The following ASPH variants were observed in gnomAD, a reference collection of about 807,000 sequenced individuals.
ASPH encodes the protein aspartyl/asparaginyl beta-hydroxylase.
Under a neutral mutation model 118.4 loss-of-function variants are expected in ASPH, and 100 were observed. The observed-to-expected ratio is 0.84, with a 90% CI of 0.72 to 1.00. The LOEUF (loss-of-function observed/expected upper bound fraction) is 1.00. ASPH is among the 50% of genes least tolerant of loss of function. ASPH has a pLI of 0.00. For missense variants in ASPH, 920 were observed against 919.5 expected, an observed-to-expected ratio of 1.00 and a Z score of -0.01; for synonymous variants, 315 against 325.6, an observed-to-expected ratio of 0.97 and a Z score of 0.35.
rs116132291 is a variant in ASPH, at chr8:61,619,055, C to T, written c.935-36G>A. 1,948 of 1,432,682 alleles carry T rather than the reference C, an allele frequency of 1.4e-3. 23 individuals are homozygous for T. In the African/African-American group the frequency reaches 0.023, roughly 17 times the overall value. The allele number at this position is 1,432,682 out of a possible 1,614,324, so 88.7% of individuals were successfully genotyped here. A position where few individuals can be genotyped will look rare whatever the true frequency, so the allele number is the denominator to read the frequency against. ...AAGACAAAACATAGTAAGTACTATG[C>T]AAGTCACCATTCAGTATCTCAAAAT... On this transcript the variant is annotated intron_variant, in intron 13 of 24. Coordinates refer to ENST00000379454, the MANE Select transcript of ASPH (RefSeq NM_004318.4).
chr8:61,651,073 T>C lies in ASPH; in HGVS notation c.467A>G (p.His156Arg), dbSNP rs1435902631. Reference sequence around the variant, plus strand: ...ACCATGTTCTGCGTGTACCATTTCATGGAGAAGGGACTGAATTTGTTCTTT... The same window carrying C: ...ACCATGTTCTGCGTGTACCATTTCACGGAGAAGGGACTGAATTTGTTCTTT... ...EAKEQIQSLL[H>R]EMVHAEHVEG... Residue 156 changes from histidine (H) to arginine (R), a missense_variant, in exon 5 of 25, where the codon CAT becomes CGT. Transcript: ENST00000379454. 2.5e-6 allele frequency: 4 copies of C among 1,613,650 alleles called. No homozygotes were observed. The highest frequency in any genetic ancestry group is 1.7e-5 in the Admixed American group (1 of 59,982).
At chr8:61,594,062 G>GA (rs1222591059) in intron 14 of ASPH, among the ~76,000 whole-genome samples, 1 of 152,158 alleles carries the variant, frequency 6.6e-6, no homozygotes, top group Non-Finnish European at 1.5e-5. Context: ...AAATAAACCT[G>GA]AAATAAACCC....
intron 1 of ASPH, among the ~76,000 whole-genome samples, chr8:61,704,808 A>G (rs1350596743): frequency 6.6e-6 from 1 of 152,210 alleles, no homozygotes; most frequent in African/African-American, 2.4e-5. Flanking sequence ...CTAAAATTAA[A>G]AAGACTGACA....
At chr8:61,638,290 G>GCTTA in intron 11 of ASPH, 32 bp downstream of exon 11, 1 of 1,594,356 alleles carries the variant, frequency 6.3e-7, no homozygotes. Context: ...AAGCTGACTT[G>GCTTA]CAGAAAATAT....
intron 24 of ASPH, among the ~76,000 whole-genome samples, chr8:61,514,416 T>A (rs992507345): frequency 2.0e-5 from 3 of 152,006 alleles, no homozygotes; most frequent in Non-Finnish European, 4.4e-5. Flanking sequence ...GGCAATTTTT[T>A]AAAAGTTGTT....
intron 21 of ASPH, among the ~76,000 whole-genome samples, chr8:61,527,147 T>C (rs1815685757): frequency 6.6e-6 from 1 of 152,180 alleles, no homozygotes; most frequent in African/African-American, 2.4e-5. Context: ...GGACTAGAAC[T>C]AATAGGTTAC....
At chr8:61,679,942 T>TAATAA (rs1563553724) in intron 3 of ASPH, among the ~76,000 whole-genome samples, 7 of 67,678 alleles carry the variant, frequency 1.0e-4, no homozygotes, top group South Asian at 4.3e-4. Flanking sequence ...TGGGCAATAA[T>TAATAA]AAAAAAAAAA....
chr8:61,562,643 T>C lies in ASPH; in HGVS notation c.1437+101A>G, dbSNP rs1587181829. Reference sequence around the variant, plus strand: ...AACTATAATAATACTTACATGCTTTTTAACTTAATTTAAAATAAAGAGAGA... The same window carrying C: ...AACTATAATAATACTTACATGCTTTCTAACTTAATTTAAAATAAAGAGAGA... On this transcript the variant is annotated intron_variant, in intron 18 of 24. Transcript: ENST00000379454. The C allele has an allele frequency of 1.6e-5, 19 of 1,204,930 alleles. No individual in the cohort carries two copies. In the East Asian group the frequency reaches 2.9e-4, roughly 18 times the overall value. 74.6% of individuals were successfully genotyped at this position (1,204,930 alleles called of 1,614,324 possible).
Position 61,501,745 on chromosome 8 carries a change from C to CAAAAG in ASPH, c.*1609_*1613dup, listed in dbSNP as rs1804976326. ...TGGGATGTTTTCAATACCAGCAAAA[C>CAAAAG]AAAAGAACAGGAAAAGTATTTTGCA... On this transcript the variant is annotated 3_prime_UTR_variant, in exon 25 of 25. Coordinates refer to ENST00000379454, the MANE Select transcript of ASPH (RefSeq NM_004318.4). The CAAAAG allele has an allele frequency of 6.6e-6, 1 of 152,078 alleles. No individual in the cohort carries two copies. Among genetic ancestry groups the CAAAAG allele is most frequent in the Non-Finnish European group, 1.5e-5 (1 of 68,006 alleles). The allele number at this position is 152,078 out of a possible 1,614,324, so 9.4% of individuals were successfully genotyped here.
intron 1 of ASPH, chr8:61,684,684 C>T (rs1421890171): frequency 6.5e-6 from 1 of 152,896 alleles, no homozygotes; most frequent in Non-Finnish European, 1.5e-5. Flanking sequence ...CAATCCATTC[C>T]TACTCCTTTA....
intron 14 of ASPH, among the ~76,000 whole-genome samples, chr8:61,615,728 C>G (rs1439259994): frequency 6.6e-6 from 1 of 152,122 alleles, no homozygotes; most frequent in African/African-American, 2.4e-5. Flanking sequence ...GCAATTTTAT[C>G]TAAAACATAA....
At chr8:61,577,399 C>CAAAAAAAAAAAAAAAAAA (rs775523503) in intron 15 of ASPH, among the ~76,000 whole-genome samples, 2 of 23,290 alleles carry the variant, frequency 8.6e-5, no homozygotes, top group Non-Finnish European at 1.5e-4. Context: ...CCCAATCTCG[C>CAAAAAAAAAAAAAAAAAA]AAAAAAAAAA....
chr8:61,689,882 ATT>A (rs1049034331), intron 1 of ASPH: 166 of 1,310,904 alleles, frequency 1.3e-4, no homozygotes, highest in Non-Finnish European at 1.6e-4. Context: ...CTCACCAGTT[ATT>A]TTTAGAGGCT....
chr8:61,702,487 C>T lies in ASPH; in HGVS notation c.103+11782G>A, dbSNP rs550466255. Among the ~76,000 whole-genome samples the T allele has an allele frequency of 7.9e-5, 12 of 152,076 alleles. No homozygotes were observed. The East Asian group carries it at 1.4e-3, about 17-fold the overall frequency. ...ATTTTTAGTAGAGACGGGGTTTCAC[C>T]GTGTTAGCCAGGATGGTCTGGATCT... On this transcript the variant is annotated intron_variant, in intron 1 of 24. Coordinates refer to ENST00000379454, the MANE Select transcript of ASPH (RefSeq NM_004318.4).
chr8:61,605,691 C>T (rs1029449124), intron 14 of ASPH, among the ~76,000 whole-genome samples: 2 of 152,150 alleles, frequency 1.3e-5, no homozygotes, highest in African/African-American at 4.8e-5. Flanking sequence ...GAACAGGGCT[C>T]ATAAGAGCCT....
intron 14 of ASPH, among the ~76,000 whole-genome samples, chr8:61,605,741 A>G (rs978321463): frequency 6.6e-6 from 1 of 152,172 alleles, no homozygotes; most frequent in African/African-American, 2.4e-5. Context: ...CTTTAATCTA[A>G]AAACACACCA....
chr8:61,693,420 T>A (rs751410789), intron 1 of ASPH, among the ~76,000 whole-genome samples: 1 of 152,198 alleles, frequency 6.6e-6, no homozygotes, highest in Non-Finnish European at 1.5e-5. Context: ...CACAAGATAG[T>A]GAAAATATGA....
intron 18 of ASPH, among the ~76,000 whole-genome samples, chr8:61,562,238 C>T (rs571848968): frequency 6.6e-6 from 1 of 151,878 alleles, no homozygotes; most frequent in South Asian, 2.1e-4. Context: ...AAGTAGAAAT[C>T]CTTTGAAAGG....
At chr8:61,675,789 C>G in intron 3 of ASPH, 1 of 1,195,240 alleles carries the variant, frequency 8.4e-7, no homozygotes, top group Non-Finnish European at 1.0e-6. Context: ...TGAGTTGAAA[C>G]AAAACGATAC....
Sources: gnomAD v4.1 joint callset for allele counts (sites outside exome capture counted in the v4.1 genomes callset) on GRCh38, gnomAD v4.1.1 for gene constraint, MANE v1.5 for transcripts, NCBI Gene and HGNC (gene_info 2026-07-23, HGNC 2026-07-21) for gene names.